ROR1: variants seen among roughly 807,000 people sequenced by gnomAD.
ROR1 encodes the protein inactive tyrosine-protein kinase transmembrane receptor ROR1.
A neutral mutation model predicts 78.8 loss-of-function variants in ROR1; 19 were observed. The observed-to-expected ratio is 0.24, with a 90% CI of 0.17 to 0.35. The LOEUF is 0.35. Among genes scored for constraint, ROR1 ranks in the 10% least tolerant of loss-of-function variants. The pLI is 1.00. For missense variants in ROR1, 917 were observed against 1,177.8 expected (o/e 0.78, Z 3.24); for synonymous variants, 386 against 433.6 (o/e 0.89, Z 1.36).
In ROR1 at chr1:64,167,152, C is replaced by G. The variant is rs1005611108; in HGVS notation, c.1386+7960C>G. 3.3e-5 allele frequency among the ~76,000 whole-genome samples: 5 copies of G among 152,300 alleles called. No individual in the cohort carries two copies. The East Asian group carries it at 9.7e-4, about 29-fold the overall frequency. ...CCCAGTGCTTTTCTATTTGCCTCTA[C>G]TGCCTTTATTTTCAGGCTGACTGAA... On this transcript the variant is annotated intron_variant, in intron 8 of 8. Transcript: ENST00000371079.
At chr1:63,997,976 A>C (rs1046353233) in intron 1 of ROR1, among the ~76,000 whole-genome samples, 2 of 152,134 alleles carry the variant, frequency 1.3e-5, no homozygotes, top group African/African-American at 4.8e-5. Flanking sequence ...TATTATGCCC[A>C]TTTTATGAAT....
chr1:63,876,321 A>G (rs1374346208), intron 1 of ROR1, among the ~76,000 whole-genome samples: 1 of 152,250 alleles, frequency 6.6e-6, no homozygotes, highest in Admixed American at 6.5e-5. Flanking sequence ...TTCCTGGGAC[A>G]TGTGCATTAT....
intron 8 of ROR1, among the ~76,000 whole-genome samples, chr1:64,176,746 G>A (rs976114754): frequency 4.6e-5 from 7 of 152,180 alleles, no homozygotes; most frequent in African/African-American, 1.2e-4. Flanking sequence ...GGAGAAGACC[G>A]CATTTCAGAC....
chr1:64,073,165 T>G (rs560752819), intron 4 of ROR1, among the ~76,000 whole-genome samples: 1 of 152,138 alleles, frequency 6.6e-6, no homozygotes, highest in South Asian at 2.1e-4. Context: ...CTATGTAAAT[T>G]TGTTTTATTT....
intron 1 of ROR1, among the ~76,000 whole-genome samples, chr1:63,866,938 T>C (rs1232976104): frequency 6.6e-6 from 1 of 152,180 alleles, no homozygotes. Flanking sequence ...TTGTGATAGA[T>C]TAATTGAGGA....
chr1:63,911,846 G>A (rs1236061123), intron 1 of ROR1, among the ~76,000 whole-genome samples: 2 of 152,134 alleles, frequency 1.3e-5, no homozygotes, highest in African/African-American at 4.8e-5. Context: ...CATGGGGAAG[G>A]AATTCCTTCC....
At chr1:63,948,431 C>A (rs1446837339) in intron 1 of ROR1, among the ~76,000 whole-genome samples, 1 of 151,060 alleles carries the variant, frequency 6.6e-6, no homozygotes, top group Non-Finnish European at 1.5e-5. Context: ...TTCCTGATAA[C>A]TGATATTGAT....
At chr1:64,137,289 A>T in intron 4 of ROR1, 80 bp from the exon 5 acceptor site, 1 of 1,503,742 alleles carries the variant, frequency 6.7e-7, no homozygotes, top group Non-Finnish European at 9.1e-7. Flanking sequence ...GTGACTATTT[A>T]GGGTATCGCG....
intron 2 of ROR1, among the ~76,000 whole-genome samples, chr1:64,037,625 T>C (rs1646712879): frequency 6.6e-6 from 1 of 152,176 alleles, no homozygotes; most frequent in African/African-American, 2.4e-5. Flanking sequence ...GTTCTGTTTT[T>C]AGTTGTCACC....
intron 1 of ROR1, among the ~76,000 whole-genome samples, chr1:63,989,697 GTT>G (rs1646279782): frequency 6.6e-6 from 1 of 152,110 alleles, no homozygotes; most frequent in African/African-American, 2.4e-5. Context: ...TCCTTCAACT[GTT>G]TCTTAAATGA....
At chr1:64,078,162 ATTATC>A (rs933268245) in intron 4 of ROR1, among the ~76,000 whole-genome samples, 4 of 152,216 alleles carry the variant, frequency 2.6e-5, no homozygotes, top group Non-Finnish European at 5.9e-5. Flanking sequence ...CTTAGTGTGT[ATTATC>A]TCATTTAATT....
intron 6 of ROR1, among the ~76,000 whole-genome samples, chr1:64,141,187 C>A (rs1217671455): frequency 6.6e-6 from 1 of 152,086 alleles, no homozygotes; most frequent in African/African-American, 2.4e-5. Flanking sequence ...TGTATTATAG[C>A]ATGTATCAGT....
chr1:63,814,036 G>A (rs1054457534), intron 1 of ROR1, among the ~76,000 whole-genome samples: 1 of 152,166 alleles, frequency 6.6e-6, no homozygotes, highest in Non-Finnish European at 1.5e-5. Flanking sequence ...TTTGCATGCT[G>A]TTTTGGATTA....
intron 4 of ROR1, among the ~76,000 whole-genome samples, chr1:64,133,579 C>G (rs937831900): frequency 6.6e-6 from 1 of 152,226 alleles, no homozygotes; most frequent in Non-Finnish European, 1.5e-5. Flanking sequence ...AACATGGTAA[C>G]TCAATTACCT....
intron 8 of ROR1, among the ~76,000 whole-genome samples, 192 bp downstream of exon 8, chr1:64,159,384 A>C (rs574228395): frequency 5.3e-5 from 8 of 152,314 alleles, no homozygotes; most frequent in South Asian, 4.1e-4. Flanking sequence ...CAGTATGTCT[A>C]CTTCAGTGTT....
intron 2 of ROR1, 51 bp from the exon 3 acceptor site, chr1:64,049,640 G>A: frequency 1.3e-6 from 2 of 1,542,916 alleles, no homozygotes; most frequent in Non-Finnish European, 1.8e-6. Context: ...CTGCTTGGAA[G>A]CCCTCTCAAG....
At chr1:63,815,484 C>CTTTTTTT (rs34749985) in intron 1 of ROR1, among the ~76,000 whole-genome samples, 17 of 85,340 alleles carry the variant, frequency 2.0e-4, no homozygotes, top group Non-Finnish European at 3.0e-4. Flanking sequence ...TTTTCTTTTT[C>CTTTTTTT]TTTTTTTTTT....
intron 4 of ROR1, among the ~76,000 whole-genome samples, chr1:64,122,655 G>A (rs1232014910): frequency 6.6e-6 from 1 of 152,128 alleles, no homozygotes; most frequent in African/African-American, 2.4e-5. Flanking sequence ...ATGAGGAACT[G>A]GAGAAGGTGC....
intron 4 of ROR1, among the ~76,000 whole-genome samples, chr1:64,099,658 T>C (rs1156486614): frequency 6.6e-6 from 1 of 152,242 alleles, no homozygotes; most frequent in Admixed American, 6.5e-5. Context: ...GTAATGTCTT[T>C]TTCCGACAGT....
Sources: gnomAD v4.1 joint callset for allele counts (sites outside exome capture counted in the v4.1 genomes callset) on GRCh38, gnomAD v4.1.1 for gene constraint, MANE v1.5 for transcripts, NCBI Gene and HGNC (gene_info 2026-07-23, HGNC 2026-07-21) for gene names.